MLLT10: variants seen among roughly 807,000 people sequenced by gnomAD.
The protein encoded by MLLT10 is protein AF-10.
Under a neutral mutation model 129.1 loss-of-function variants are expected in MLLT10, and 30 were observed. The observed-to-expected ratio is 0.23, with a 90% CI of 0.17 to 0.32. The LOEUF (loss-of-function observed/expected upper bound fraction) is 0.32. Ranked by LOEUF, MLLT10 falls within the 10% of genes least tolerant of loss-of-function variation. The pLI, the probability that MLLT10 is intolerant of heterozygous loss-of-function variation, is 1.00. For synonymous variants in MLLT10, 490 were observed against 446.4 expected (o/e 1.10, Z -1.23); for missense variants, 1,119 against 1,268.3 (o/e 0.88, Z 1.79).
At chr10:21,606,704 A>G (rs1382116864) in intron 5 of MLLT10, among the ~76,000 whole-genome samples, 1 of 152,218 alleles carries the variant, frequency 6.6e-6, no homozygotes, top group Admixed American at 6.5e-5. Flanking sequence ...TCAAACTTGA[A>G]TGTATATCTT....
intron 21 of MLLT10, among the ~76,000 whole-genome samples, chr10:21,736,646 G>A (rs1456328964): frequency 1.3e-5 from 2 of 152,196 alleles, no homozygotes; most frequent in African/African-American, 4.8e-5. Context: ...GAAGAATTCT[G>A]AATGGTTGGT....
At chr10:21,650,716 T>A (rs1382462847) in intron 8 of MLLT10, among the ~76,000 whole-genome samples, 1 of 152,166 alleles carries the variant, frequency 6.6e-6, no homozygotes, top group Non-Finnish European at 1.5e-5. Flanking sequence ...AACATTTTGG[T>A]TAAAATTATC....
chr10:21,716,844 TAGG>T (rs944653030), intron 14 of MLLT10, among the ~76,000 whole-genome samples: 6 of 152,076 alleles, frequency 3.9e-5, no homozygotes, highest in Non-Finnish European at 5.9e-5. Context: ...TTAACGAAAG[TAGG>T]AGTTTTTATT....
chr10:21,658,996 G>C (rs1463158181), intron 9 of MLLT10, among the ~76,000 whole-genome samples: 1 of 151,808 alleles, frequency 6.6e-6, no homozygotes, highest in African/African-American at 2.4e-5. Context: ...TTTGTTATTT[G>C]TTATTTTTGG....
At chr10:21,540,258 G>A (rs1324306161) in intron 3 of MLLT10, among the ~76,000 whole-genome samples, 1 of 152,082 alleles carries the variant, frequency 6.6e-6, no homozygotes, top group Non-Finnish European at 1.5e-5. Context: ...GGATGTGGCA[G>A]CGCGTGCCTA....
chr10:21,536,533 T>A (rs2034039149), intron 2 of MLLT10, among the ~76,000 whole-genome samples: 1 of 152,236 alleles, frequency 6.6e-6, no homozygotes, highest in Non-Finnish European at 1.5e-5. Flanking sequence ...ACACCTATGC[T>A]GTGTTTTTTG....
chr10:21,714,121 T>C (rs778965200), intron 14 of MLLT10, among the ~76,000 whole-genome samples, 171 bp downstream of exon 14: 1 of 152,172 alleles, frequency 6.6e-6, no homozygotes, highest in Non-Finnish European at 1.5e-5. Context: ...ATGGTATTCA[T>C]GAGAGAGGAT....
At chr10:21,720,611 G>A (rs1482379697) in intron 14 of MLLT10, among the ~76,000 whole-genome samples, 1 of 152,114 alleles carries the variant, frequency 6.6e-6, no homozygotes, top group East Asian at 1.9e-4. Context: ...TACATTCTAT[G>A]TGCAGCATTG....
intron 13 of MLLT10, among the ~76,000 whole-genome samples, chr10:21,687,065 C>G (rs965491531): frequency 4.6e-5 from 7 of 152,082 alleles, no homozygotes; most frequent in Non-Finnish European, 8.8e-5. Flanking sequence ...AGTTCCAAGT[C>G]CCACTTATTG....
intron 8 of MLLT10, among the ~76,000 whole-genome samples, chr10:21,650,868 A>AT (rs1329986347): frequency 1.3e-5 from 2 of 152,140 alleles, no homozygotes; most frequent in South Asian, 2.1e-4. Context: ...TAATTCATCT[A>AT]TTTTTTTGAG....
chr10:21,725,572 T>A (rs1305121022), intron 14 of MLLT10, among the ~76,000 whole-genome samples: 33 of 151,726 alleles, frequency 2.2e-4, no homozygotes, highest in Admixed American at 2.2e-3. Flanking sequence ...TACAAAAAAT[T>A]TAGCTGGGCG....
chr10:21,600,736 T>A (rs1304449523), intron 5 of MLLT10, among the ~76,000 whole-genome samples: 2 of 152,116 alleles, frequency 1.3e-5, no homozygotes, highest in Non-Finnish European at 2.9e-5. Context: ...TGTAAAAAAA[T>A]TCTTTTGCTC....
At chr10:21,567,065 G>A (rs1205612918) in intron 3 of MLLT10, among the ~76,000 whole-genome samples, 5 of 152,000 alleles carry the variant, frequency 3.3e-5, no homozygotes, top group African/African-American at 4.8e-5. Context: ...CACCCACCTC[G>A]GCCTCCCAAA....
intron 13 of MLLT10, among the ~76,000 whole-genome samples, chr10:21,698,607 C>T (rs1289513941): frequency 6.6e-6 from 1 of 152,180 alleles, no homozygotes; most frequent in Non-Finnish European, 1.5e-5. Context: ...ATTGCTAGAT[C>T]ATGTGGAAGT....
intron 9 of MLLT10, among the ~76,000 whole-genome samples, chr10:21,659,512 CTT>C (rs1432253622): frequency 6.4e-5 from 9 of 139,828 alleles, no homozygotes; most frequent in Non-Finnish European, 1.6e-5. Context: ...TACTCTTAAT[CTT>C]TTTTTTTTTT....
At chr10:21,540,811 C>T (rs1035255565) in intron 3 of MLLT10, among the ~76,000 whole-genome samples, 3 of 152,068 alleles carry the variant, frequency 2.0e-5, no homozygotes, top group Admixed American at 6.6e-5. Context: ...GCTTCTTTAC[C>T]TAGGCATATA....
chr10:21,575,742 C>T (rs1257684007), intron 3 of MLLT10, among the ~76,000 whole-genome samples: 4 of 152,092 alleles, frequency 2.6e-5, no homozygotes, highest in Admixed American at 6.6e-5. Flanking sequence ...TATCTTACCA[C>T]GTTTGGGGCA....
chr10:21,559,567 A>C (rs1043024816), intron 3 of MLLT10, among the ~76,000 whole-genome samples: 1 of 152,212 alleles, frequency 6.6e-6, no homozygotes, highest in Non-Finnish European at 1.5e-5. Context: ...AGCAGTATAT[A>C]TTTCCAGAAC....
chr10:21,637,492 A>T (rs2047572520), intron 8 of MLLT10, among the ~76,000 whole-genome samples: 1 of 152,184 alleles, frequency 6.6e-6, no homozygotes, highest in African/African-American at 2.4e-5. Context: ...CTTGTTGAGC[A>T]GGTCTTTGAA....
Sources: gnomAD v4.1 joint callset for allele counts (sites outside exome capture counted in the v4.1 genomes callset) on GRCh38, gnomAD v4.1.1 for gene constraint, MANE v1.5 for transcripts, NCBI Gene and HGNC (gene_info 2026-07-23, HGNC 2026-07-21) for gene names.